The following NAALADL2 variants were observed in gnomAD, a reference collection of about 807,000 sequenced individuals.
NAALADL2 encodes N-acetylated alpha-linked acidic dipeptidase like 2, also known as inactive N-acetylated-alpha-linked acidic dipeptidase-like protein 2.
A neutral mutation model predicts 87.2 loss-of-function variants in NAALADL2; 76 were observed. That is an observed-to-expected ratio of 0.87 (90% CI 0.72 to 1.05). The LOEUF is 1.05. Among genes scored for constraint, NAALADL2 ranks in the 50% least tolerant of loss-of-function variants. The pLI is 0.00. For missense variants in NAALADL2, 1,089 were observed against 945.8 expected (o/e 1.15, Z -1.99); for synonymous variants, 354 against 331.0 (o/e 1.07, Z -0.75).
intron 11 of NAALADL2, among the ~76,000 whole-genome samples, chr3:175,659,429 T>C (rs549607205): frequency 6.6e-6 from 1 of 152,316 alleles, no homozygotes; most frequent in South Asian, 2.1e-4. Flanking sequence ...GTATACTCTA[T>C]AAAGTGTTCA....
At chr3:175,619,945 AC>A (rs1302493818) in intron 10 of NAALADL2, among the ~76,000 whole-genome samples, 4 of 150,484 alleles carry the variant, frequency 2.7e-5, no homozygotes, top group Admixed American at 2.0e-4. Flanking sequence ...AACATGCCCA[AC>A]CCCCCGAGGG....
chr3:174,876,201 G>A (rs1309133336), intron 1 of NAALADL2, among the ~76,000 whole-genome samples: 4 of 152,084 alleles, frequency 2.6e-5, no homozygotes, highest in African/African-American at 9.7e-5. Context: ...TATTATATGT[G>A]TAAAGCTAGG....
chr3:174,762,785 A>G (rs79743407), intron 3 of NAALADL2, among the ~76,000 whole-genome samples: 1 of 152,162 alleles, frequency 6.6e-6, no homozygotes, highest in African/African-American at 2.4e-5. Flanking sequence ...TGAAATACCA[A>G]ATAATAACTT....
At chr3:175,673,675 T>TC (rs1582851774) in intron 11 of NAALADL2, among the ~76,000 whole-genome samples, 1 of 152,088 alleles carries the variant, frequency 6.6e-6, no homozygotes, top group East Asian at 1.9e-4. Flanking sequence ...TCCTCATGTT[T>TC]ATGTTCCCTG....
chr3:174,621,543 T>G (rs1325888103), intron 2 of NAALADL2, among the ~76,000 whole-genome samples: 1 of 152,106 alleles, frequency 6.6e-6, no homozygotes, highest in Non-Finnish European at 1.5e-5. Context: ...CCTTGAGGTC[T>G]ATATATATAG....
intron 13 of NAALADL2, among the ~76,000 whole-genome samples, chr3:175,772,747 C>T (rs538449874): frequency 3.3e-5 from 5 of 152,228 alleles, no homozygotes; most frequent in Admixed American, 2.6e-4. Context: ...CTTTGAGCTT[C>T]TCAGCTTTAA....
chr3:175,148,739 A>G (rs984875211), intron 2 of NAALADL2, among the ~76,000 whole-genome samples: 1 of 152,192 alleles, frequency 6.6e-6, no homozygotes, highest in Non-Finnish European at 1.5e-5. Context: ...TCTGTCAAAG[A>G]TCAGATGACC....
At chr3:175,476,449 A>G (rs1276623108) in intron 9 of NAALADL2, among the ~76,000 whole-genome samples, 1 of 152,186 alleles carries the variant, frequency 6.6e-6, no homozygotes, top group Non-Finnish European at 1.5e-5. Flanking sequence ...GGAAAGGGAA[A>G]ATATGATTGG....
At chr3:174,585,728 A>G (rs1716640162) in intron 2 of NAALADL2, among the ~76,000 whole-genome samples, 2 of 152,180 alleles carry the variant, frequency 1.3e-5, no homozygotes, top group African/African-American at 2.4e-5. Context: ...GAAAAAATTG[A>G]TAAGCAAAAG....
chr3:175,260,880 G>A (rs1750910500), intron 4 of NAALADL2, among the ~76,000 whole-genome samples: 1 of 152,058 alleles, frequency 6.6e-6, no homozygotes, highest in Admixed American at 6.6e-5. Context: ...AGATCTCATT[G>A]GTTTGATCAT....
intron 3 of NAALADL2, among the ~76,000 whole-genome samples, chr3:174,810,642 G>A (rs957640721): frequency 3.3e-5 from 5 of 151,022 alleles, no homozygotes; most frequent in Non-Finnish European, 5.9e-5. Context: ...ATATTTAAAA[G>A]GGAAGCAGAG....
intron 5 of NAALADL2, among the ~76,000 whole-genome samples, chr3:175,392,670 C>T (rs1379385090): frequency 6.6e-6 from 1 of 152,156 alleles, no homozygotes; most frequent in East Asian, 1.9e-4. Flanking sequence ...TAAAACGGTG[C>T]ACCTGCACCA....
At chr3:174,563,415 A>G (rs552731381) in intron 2 of NAALADL2, among the ~76,000 whole-genome samples, 11 of 151,898 alleles carry the variant, frequency 7.2e-5, no homozygotes, top group African/African-American at 2.4e-4. Context: ...TTCATAAACC[A>G]TCAATAACTA....
At chr3:175,356,957 T>A (rs1269671364) in intron 5 of NAALADL2, among the ~76,000 whole-genome samples, 3 of 152,074 alleles carry the variant, frequency 2.0e-5, no homozygotes, top group African/African-American at 7.2e-5. Context: ...GGAGACTGGA[T>A]GGTCTCAATA....
At chr3:175,527,862 T>G (rs565684928) in intron 9 of NAALADL2, among the ~76,000 whole-genome samples, 1 of 152,218 alleles carries the variant, frequency 6.6e-6, no homozygotes, top group East Asian at 1.9e-4. Flanking sequence ...TATACACAGG[T>G]TATACATTGA....
chr3:175,317,402 T>G (rs1179774686), intron 4 of NAALADL2, among the ~76,000 whole-genome samples: 1 of 151,518 alleles, frequency 6.6e-6, no homozygotes, highest in Non-Finnish European at 1.5e-5. Flanking sequence ...GTGGAAGACA[T>G]CACTCATAGA....
chr3:175,170,568 C>T (rs979141761), intron 2 of NAALADL2, among the ~76,000 whole-genome samples: 2 of 149,666 alleles, frequency 1.3e-5, no homozygotes, highest in Non-Finnish European at 3.0e-5. Context: ...CTGTTTGCCA[C>T]TTCAATGGCA....
At chr3:174,686,556 G>C (rs1020245159) in intron 2 of NAALADL2, among the ~76,000 whole-genome samples, 1 of 151,540 alleles carries the variant, frequency 6.6e-6, no homozygotes, top group Non-Finnish European at 1.5e-5. Context: ...TATACTATAG[G>C]GCTAACCAAA....
intron 13 of NAALADL2, among the ~76,000 whole-genome samples, chr3:175,799,677 G>A (rs1336997798): frequency 1.3e-5 from 2 of 152,028 alleles, no homozygotes; most frequent in African/African-American, 4.8e-5. Context: ...TCATTTTTAT[G>A]AAATAAAACT....
Sources: gnomAD v4.1 joint callset for allele counts (sites outside exome capture counted in the v4.1 genomes callset) on GRCh38, gnomAD v4.1.1 for gene constraint, MANE v1.5 for transcripts, NCBI Gene and HGNC (gene_info 2026-07-23, HGNC 2026-07-21) for gene names.